SDCCAG8: variants seen among roughly 807,000 people sequenced by gnomAD.
The protein encoded by SDCCAG8 is SHH signaling and ciliogenesis regulator SDCCAG8.
SDCCAG8 carries 74 observed loss-of-function variants against 101.8 expected under a neutral mutation model. The observed-to-expected ratio is 0.73, with a 90% CI of 0.60 to 0.88. The LOEUF (loss-of-function observed/expected upper bound fraction) is 0.88. Among genes scored for constraint, SDCCAG8 ranks in the 40% least tolerant of loss-of-function variants. SDCCAG8 has a pLI of 0.00. For missense variants in SDCCAG8, 787 were observed against 822.6 expected, an observed-to-expected ratio of 0.96 and a Z score of 0.53; for synonymous variants, 281 against 292.9, an observed-to-expected ratio of 0.96 and a Z score of 0.41.
intron 6 of SDCCAG8, among the ~76,000 whole-genome samples, chr1:243,304,324 A>G (rs2071861342): frequency 6.6e-6 from 1 of 152,242 alleles, no homozygotes; most frequent in African/African-American, 2.4e-5. Context: ...ATAAAACTTT[A>G]CTTTTGATCA....
At chr1:243,439,180 G>T (rs932180929) in intron 16 of SDCCAG8, among the ~76,000 whole-genome samples, 1 of 151,882 alleles carries the variant, frequency 6.6e-6, no homozygotes, top group Non-Finnish European at 1.5e-5. Context: ...TTGAGACAGG[G>T]TCTCACTCTG....
intron 1 of SDCCAG8, among the ~76,000 whole-genome samples, chr1:243,258,565 C>T (rs778615368): frequency 1.3e-5 from 2 of 152,050 alleles, no homozygotes; most frequent in African/African-American, 2.4e-5. Context: ...CCACCATGCC[C>T]GGCTAATTTT....
intron 16 of SDCCAG8, among the ~76,000 whole-genome samples, chr1:243,468,038 G>T (rs1660486069): frequency 1.3e-5 from 2 of 152,128 alleles, no homozygotes; most frequent in Non-Finnish European, 2.9e-5. Context: ...ATGGACAAAA[G>T]GGCACAGGAT....
intron 9 of SDCCAG8, among the ~76,000 whole-genome samples, chr1:243,320,060 C>A (rs2073622952): frequency 6.6e-6 from 1 of 152,180 alleles, no homozygotes; most frequent in Admixed American, 6.5e-5. Context: ...CTCACACATT[C>A]ACTCTCCCAA....
intron 16 of SDCCAG8, among the ~76,000 whole-genome samples, chr1:243,469,830 GT>G (rs746906257): frequency 0.026 from 3,211 of 123,512 alleles, 30 homozygotes; most frequent in Middle Eastern, 0.05. Flanking sequence ...GAAAGTGTTG[GT>G]TTTTTTTTTT....
intron 13 of SDCCAG8, among the ~76,000 whole-genome samples, chr1:243,382,516 T>TGTATG (rs1215282004): frequency 2.6e-5 from 4 of 152,256 alleles, no homozygotes; most frequent in Non-Finnish European, 4.4e-5. Context: ...TCATTTATTA[T>TGTATG]GTATGGCACT....
intron 13 of SDCCAG8, among the ~76,000 whole-genome samples, chr1:243,396,032 T>C (rs2079012223): frequency 6.6e-6 from 1 of 152,140 alleles, no homozygotes; most frequent in African/African-American, 2.4e-5. Flanking sequence ...TTCACATTTG[T>C]AACAGTGTTA....
intron 5 of SDCCAG8, among the ~76,000 whole-genome samples, chr1:243,287,871 C>G (rs1380116957): frequency 6.6e-6 from 1 of 152,134 alleles, no homozygotes; most frequent in African/African-American, 2.4e-5. Context: ...ACAAGTGAAT[C>G]AGAGGGCAAG....
chr1:243,265,624 C>T (rs905676611), intron 1 of SDCCAG8, among the ~76,000 whole-genome samples: 5 of 152,112 alleles, frequency 3.3e-5, no homozygotes, highest in African/African-American at 9.7e-5. Context: ...ACCAGCCTGG[C>T]CAACACGGTG....
intron 17 of SDCCAG8, among the ~76,000 whole-genome samples, chr1:243,490,428 T>C (rs1406443819): frequency 6.6e-6 from 1 of 152,188 alleles, no homozygotes; most frequent in Admixed American, 6.5e-5. Context: ...GAACCTGAAT[T>C]TTGCCAAGCT....
At chr1:243,417,908 G>A (rs1273149429) in intron 14 of SDCCAG8, 60 bp from the exon 15 acceptor site, 14 of 1,203,846 alleles carry the variant, frequency 1.2e-5, no homozygotes, top group Middle Eastern at 3.8e-4. Context: ...ATGTATGGAA[G>A]CACTGCAGAG....
intron 9 of SDCCAG8, 71 bp downstream of exon 9, chr1:243,316,964 G>T: frequency 6.8e-7 from 1 of 1,478,776 alleles, no homozygotes; most frequent in South Asian, 1.2e-5. Flanking sequence ...TATTTATTTG[G>T]TTATTCTTCT....
chr1:243,338,506 A>G (rs1162907142), intron 10 of SDCCAG8, among the ~76,000 whole-genome samples: 3 of 151,172 alleles, frequency 2.0e-5, no homozygotes, highest in Non-Finnish European at 4.4e-5. Flanking sequence ...ATCATTCCCC[A>G]TCAACAGTTC....
intron 16 of SDCCAG8, among the ~76,000 whole-genome samples, chr1:243,429,657 C>T (rs982703591): frequency 6.7e-6 from 1 of 149,828 alleles, no homozygotes; most frequent in African/African-American, 2.5e-5. Context: ...GCCTTCCAAG[C>T]AGGTAGGGCT....
At position 243,363,721 on chromosome 1, in the gene SDCCAG8, T is replaced by A. The variant is rs193191875; in HGVS notation, c.1474-15000T>A. On this transcript the variant is annotated intron_variant, in intron 12 of 17. Transcript: ENST00000366541. ...TTATGAAAATGGGTGAAAGCAGGAA[T>A]TTTGCTAGTTTTCTAATTATCACAG... 5.0e-3 allele frequency among the ~76,000 whole-genome samples: 763 copies of A among 152,320 alleles called. 5 individuals are homozygous for A. The highest frequency in any genetic ancestry group is 8.8e-3 in the Non-Finnish European group (597 of 68,022).
At chr1:243,331,973 G>A (rs2074633991) in intron 10 of SDCCAG8, among the ~76,000 whole-genome samples, 1 of 152,200 alleles carries the variant, frequency 6.6e-6, no homozygotes, top group Non-Finnish European at 1.5e-5. Flanking sequence ...GTGGGAATGT[G>A]TAACAGGAAT....
At chr1:243,303,124 G>A (rs964027355) in intron 6 of SDCCAG8, among the ~76,000 whole-genome samples, 1 of 152,166 alleles carries the variant, frequency 6.6e-6, no homozygotes, top group Non-Finnish European at 1.5e-5. Context: ...ACCACACAAA[G>A]GACTTAACAG....
chr1:243,294,708 CCA>C (rs1491243142), intron 6 of SDCCAG8, among the ~76,000 whole-genome samples: 22 of 138,526 alleles, frequency 1.6e-4, no homozygotes, highest in African/African-American at 6.3e-4. Context: ...CCCCCCCCCC[CCA>C]CAGCTGCCTT....
At chr1:243,288,309 A>C (rs1382318864) in intron 5 of SDCCAG8, among the ~76,000 whole-genome samples, 1 of 151,976 alleles carries the variant, frequency 6.6e-6, no homozygotes, top group Non-Finnish European at 1.5e-5. Flanking sequence ...CCATCTCTCT[A>C]AAAATAAAAA....
Sources: gnomAD v4.1 joint callset for allele counts (sites outside exome capture counted in the v4.1 genomes callset) on GRCh38, gnomAD v4.1.1 for gene constraint, MANE v1.5 for transcripts, NCBI Gene and HGNC (gene_info 2026-07-23, HGNC 2026-07-21) for gene names.